Variants in ARHGAP25 observed in about 807,000 individuals in gnomAD.
The protein encoded by ARHGAP25 is rho GTPase-activating protein 25.
Under a neutral mutation model 71.0 loss-of-function variants are expected in ARHGAP25, and 34 were observed. The ratio of observed to expected loss-of-function variants is 0.48; its 90% CI spans 0.36 to 0.64. The LOEUF is 0.64. Among genes scored for constraint, ARHGAP25 ranks in the 30% least tolerant of loss-of-function variants. The pLI, the probability that ARHGAP25 is intolerant of heterozygous loss-of-function variation, is 0.00. For missense variants in ARHGAP25, 706 were observed against 805.1 expected (o/e 0.88, Z 1.49); for synonymous variants, 282 against 296.5 (o/e 0.95, Z 0.50).
In ARHGAP25 at chr2:68,822,399, G is replaced by A. The variant is rs773134106; in HGVS notation, c.1260G>A (p.Glu420=). 1 of 1,614,146 alleles carries A rather than the reference G, an allele frequency of 6.2e-7. No homozygotes were observed. The highest frequency in any genetic ancestry group is 8.5e-7 in the Non-Finnish European group (1 of 1,180,028). ...TGQQPSDAFP[E]DSSKVPREKP... ...AGCAGCCGAGCGATGCGTTTCCGGA[G>A]GACAGCAGCAAAGTACCCAGGGAAA... Residue 420 remains glutamate, a synonymous_variant, in exon 10 of 11, where the codon GAG becomes GAA. Transcript: ENST00000409202.
chr2:68,735,207 T>TA lies in ARHGAP25; in HGVS notation c.12dup (p.Leu5IlefsTer77). ...ACTTAAACTGGAAGCAAAATGTCCC[T>TA]AAAATTGCCAAGGAACTGGGATTTC... On this transcript the variant is annotated frameshift_variant, in exon 1 of 11. Transcript: ENST00000409202. LOFTEE classifies it high-confidence loss of function. 6.2e-7 allele frequency: 1 copy of TA among 1,614,136 alleles called. No homozygotes were observed. The highest frequency in any genetic ancestry group is 8.5e-7 in the Non-Finnish European group (1 of 1,179,954).
intron 1 of ARHGAP25, among the ~76,000 whole-genome samples, chr2:68,745,350 G>A (rs1675751934): frequency 1.3e-5 from 2 of 152,030 alleles, no homozygotes; most frequent in African/African-American, 4.8e-5. Flanking sequence ...TATGTGCCCA[G>A]CTCACCCACT....
chr2:68,810,294 GT>G (rs1209436477), intron 5 of ARHGAP25, among the ~76,000 whole-genome samples: 2 of 152,174 alleles, frequency 1.3e-5, no homozygotes, highest in African/African-American at 2.4e-5. Context: ...AGAAATAATT[GT>G]TTAAGTTCCA....
In ARHGAP25 at chr2:68,720,086, C is replaced by T. The variant is rs192045083; in HGVS notation, c.-18+9388C>T. Reference sequence around the variant, plus strand: ...AAAAGCCAGAGCAACTTCCTGTGCACTATCAGCTGACTGATCAGGGTTCTT... The same window carrying T: ...AAAAGCCAGAGCAACTTCCTGTGCATTATCAGCTGACTGATCAGGGTTCTT... On this transcript the variant is annotated intron_variant and NMD_transcript_variant, in intron 2 of 7. Transcript: ENST00000463483. Among the ~76,000 whole-genome samples the T allele has an allele frequency of 2.6e-5, 4 of 152,262 alleles. No individual in the cohort carries two copies. In the East Asian group the frequency reaches 7.7e-4, roughly 29 times the overall value.
intron 1 of ARHGAP25, among the ~76,000 whole-genome samples, chr2:68,757,230 A>G (rs1676537529): frequency 6.6e-6 from 1 of 152,162 alleles, no homozygotes; most frequent in Non-Finnish European, 1.5e-5. Flanking sequence ...AGGAAAAGAG[A>G]GAAGGGTGCA....
chr2:68,760,307 G>A (rs776680376), intron 1 of ARHGAP25, among the ~76,000 whole-genome samples: 3 of 151,928 alleles, frequency 2.0e-5, no homozygotes, highest in Non-Finnish European at 2.9e-5. Context: ...TTGCAACTTC[G>A]ATGCAATGTA....
intron 1 of ARHGAP25, among the ~76,000 whole-genome samples, chr2:68,763,844 A>G (rs1372159847): frequency 1.3e-5 from 2 of 152,076 alleles, no homozygotes; most frequent in Non-Finnish European, 2.9e-5. Context: ...AGTTATATAT[A>G]TTATTTAGTT....
At chr2:68,768,032 C>T (rs1209276648) in intron 1 of ARHGAP25, among the ~76,000 whole-genome samples, 1 of 152,218 alleles carries the variant, frequency 6.6e-6, no homozygotes, top group Non-Finnish European at 1.5e-5. Context: ...TGCCTCTCTT[C>T]ACCACAAGAA....
In ARHGAP25 at chr2:68,822,638, C is replaced by T; in HGVS notation, c.1499C>T (p.Thr500Ile). 2.5e-6 allele frequency: 4 copies of T among 1,614,144 alleles called. No homozygotes were observed. Among genetic ancestry groups the T allele is most frequent in the Non-Finnish European group, 3.4e-6 (4 of 1,180,038 alleles). Residue 500 changes from threonine to isoleucine, a missense_variant, in exon 10 of 11, where the codon ACT becomes ATT. Transcript: ENST00000409202. Reference sequence around the variant, plus strand: ...CGCCAACTTTCTGACTCCCAACGGACTTCCACCTACGATAACGTCCCTTCC... The same window carrying T: ...CGCCAACTTTCTGACTCCCAACGGATTTCCACCTACGATAACGTCCCTTCC... ...DLRQLSDSQR[T>I]STYDNVPSLP... is the part of the protein sequence containing the mutation.
chr2:68,791,072 C>T lies in ARHGAP25; in HGVS notation c.466+3116C>T, dbSNP rs183020658. Among the ~76,000 whole-genome samples, 372 of 152,336 alleles carry T rather than the reference C, an allele frequency of 2.4e-3. 1 individual carries two copies. The highest frequency in any genetic ancestry group is 4.2e-3 in the Non-Finnish European group (286 of 68,028). On this transcript the variant is annotated intron_variant, in intron 4 of 10. Transcript: ENST00000409202. ...GGTAGCTGCATGGCTTGGTCCCTTACCGTCTTCAGGTCTTTGATCAAACAT... is the reference window on the plus strand; with the variant it reads ...GGTAGCTGCATGGCTTGGTCCCTTATCGTCTTCAGGTCTTTGATCAAACAT...
intron 9 of ARHGAP25, among the ~76,000 whole-genome samples, chr2:68,820,200 A>G (rs1177016906): frequency 1.3e-5 from 2 of 152,248 alleles, no homozygotes; most frequent in African/African-American, 4.8e-5. Context: ...ATCATCCCAC[A>G]GTCCTTGAGA....
At chr2:68,732,811 C>T (rs183563548), upstream of ARHGAP25, among the ~76,000 whole-genome samples, 40 of 152,348 alleles carry the variant, frequency 2.6e-4, no homozygotes, top group Admixed American at 2.4e-3. Flanking sequence ...CAAGGTTCTT[C>T]TCTCTTGTGC....
intron 1 of ARHGAP25, among the ~76,000 whole-genome samples, chr2:68,755,892 A>G (rs1024043580): frequency 5.3e-5 from 8 of 152,234 alleles, no homozygotes; most frequent in African/African-American, 9.6e-5. Context: ...AATGTATCCT[A>G]AACAAGCTTA....
chr2:68,763,808 C>T (rs1676964463), intron 1 of ARHGAP25, among the ~76,000 whole-genome samples: 1 of 152,028 alleles, frequency 6.6e-6, no homozygotes, highest in Non-Finnish European at 1.5e-5. Flanking sequence ...TCACTGTTTC[C>T]ATGGTGGGTT....
rs574916371 is a variant in ARHGAP25 at position 68,771,341 on chromosome 2, G to A, written c.62-3880G>A. 5.3e-5 allele frequency among the ~76,000 whole-genome samples: 8 copies of A among 152,272 alleles called. No homozygotes were observed. The East Asian group carries it at 1.5e-3, about 29-fold the overall frequency. ...GCCTGGTTCAGACCTGCTTCCTGAA[G>A]GGCTGGGAATGTGCACTCAGGGTAC... is the stretch of plus-strand genomic sequence containing the variant. On this transcript the variant is annotated intron_variant, in intron 1 of 10. Transcript: ENST00000409202.
chr2:68,755,558 A>G (rs2104327752), intron 1 of ARHGAP25, among the ~76,000 whole-genome samples: 1 of 152,364 alleles, frequency 6.6e-6, no homozygotes, highest in East Asian at 1.9e-4. Flanking sequence ...TATTAACTGA[A>G]TTTAATGTTA....
chr2:68,750,567 C>T (rs548868639), intron 1 of ARHGAP25, among the ~76,000 whole-genome samples: 1 of 152,282 alleles, frequency 6.6e-6, no homozygotes, highest in South Asian at 2.1e-4. Flanking sequence ...GTGATCCTCC[C>T]GCCTCGGCCT....
At chr2:68,741,828 A>G (rs1675535886) in intron 1 of ARHGAP25, among the ~76,000 whole-genome samples, 1 of 152,202 alleles carries the variant, frequency 6.6e-6, no homozygotes, top group Admixed American at 6.5e-5. Context: ...TTCCATGACC[A>G]CTCATATTCT....
chr2:68,784,405 G>C (rs1197162867), intron 3 of ARHGAP25, among the ~76,000 whole-genome samples: 2 of 152,110 alleles, frequency 1.3e-5, no homozygotes, highest in African/African-American at 4.8e-5. Context: ...GCTGGTGTAA[G>C]AAATGGGCTT....
Sources: allele counts gnomAD v4.1 joint callset (sites outside exome capture counted in the v4.1 genomes callset), GRCh38; gene constraint gnomAD v4.1.1; transcripts MANE v1.5; gene names NCBI Gene and HGNC (gene_info 2026-07-23, HGNC 2026-07-21).